Variants in TNR observed in about 807,000 individuals in gnomAD.
The protein encoded by TNR is tenascin-R.
Under a neutral mutation model 150.4 loss-of-function variants are expected in TNR, and 45 were observed. The observed-to-expected ratio is 0.30, with a 90% confidence interval of 0.24 to 0.38. The LOEUF is 0.38. Ranked by LOEUF, TNR falls within the 10% of genes least tolerant of loss-of-function variation. The pLI, the probability that TNR is intolerant of heterozygous loss-of-function variation, is 1.00. For synonymous variants in TNR, 687 were observed against 678.4 expected, an observed-to-expected ratio of 1.01 and a Z score of -0.20; for missense variants, 1,544 against 1,759.1, an observed-to-expected ratio of 0.88 and a Z score of 2.19.
chr1:175,595,612 T>C (rs1272576250), intron 1 of TNR, among the ~76,000 whole-genome samples: 1 of 152,234 alleles, frequency 6.6e-6, no homozygotes, highest in Non-Finnish European at 1.5e-5. Flanking sequence ...TGGCTTTCAA[T>C]GGTCTGTCCC....
intron 1 of TNR, among the ~76,000 whole-genome samples, chr1:175,690,312 TCAA>T (rs373619780): frequency 1.0e-3 from 155 of 152,300 alleles, no homozygotes; most frequent in African/African-American, 3.5e-3. Context: ...CATAAGAGAA[TCAA>T]CAAATGTTTA....
intron 2 of TNR, among the ~76,000 whole-genome samples, chr1:175,429,947 C>T (rs777185493): frequency 8.5e-5 from 13 of 152,096 alleles, no homozygotes; most frequent in Non-Finnish European, 1.0e-4. Flanking sequence ...ACAGCACACT[C>T]GCCTGCCAAC....
intron 1 of TNR, among the ~76,000 whole-genome samples, chr1:175,642,341 C>CTGTAGGAA (rs1664690674): frequency 1.3e-5 from 2 of 152,310 alleles, no homozygotes; most frequent in East Asian, 3.9e-4. Flanking sequence ...AAGCATGAAA[C>CTGTAGGAA]TGTAGGAAAC....
intron 2 of TNR, among the ~76,000 whole-genome samples, chr1:175,486,104 A>T (rs6672811): frequency 0.35 from 52,717 of 151,300 alleles, 9,430 homozygotes; most frequent in Non-Finnish European, 0.38. Context: ...CCACCTCAGA[A>T]CATCAAGCAT....
intron 2 of TNR, among the ~76,000 whole-genome samples, chr1:175,482,501 G>T (rs574611104): frequency 2.0e-5 from 3 of 152,084 alleles, no homozygotes; most frequent in African/African-American, 7.2e-5. Flanking sequence ...AAAATGAATC[G>T]CAGGAACCAT....
intron 1 of TNR, among the ~76,000 whole-genome samples, chr1:175,697,460 T>C (rs1666565058): frequency 6.6e-6 from 1 of 152,016 alleles, no homozygotes; most frequent in Admixed American, 6.6e-5. Context: ...CAGAAATACA[T>C]CATCACTTGT....
intron 1 of TNR, among the ~76,000 whole-genome samples, chr1:175,717,800 T>A (rs1474909244): frequency 6.6e-6 from 1 of 152,208 alleles, no homozygotes; most frequent in African/African-American, 2.4e-5. Context: ...AGCACAGATG[T>A]CACAGTTTCT....
intron 2 of TNR, among the ~76,000 whole-genome samples, chr1:175,497,302 C>T (rs889717970): frequency 6.6e-6 from 1 of 152,156 alleles, no homozygotes; most frequent in Non-Finnish European, 1.5e-5. Context: ...CTCCGCTTGC[C>T]CCATCTCCCT....
At chr1:175,471,973 T>C (rs1472582891) in intron 2 of TNR, among the ~76,000 whole-genome samples, 1 of 152,084 alleles carries the variant, frequency 6.6e-6, no homozygotes, top group East Asian at 1.9e-4. Context: ...CTTTTTTTGT[T>C]AAAAACCAAA....
chr1:175,453,931 A>T (rs145016130), intron 2 of TNR, among the ~76,000 whole-genome samples: 1 of 152,222 alleles, frequency 6.6e-6, no homozygotes, highest in Non-Finnish European at 1.5e-5. Flanking sequence ...TTTCACCTTT[A>T]TGAAAAGGTC....
At chr1:175,629,055 C>T (rs904489789) in intron 1 of TNR, among the ~76,000 whole-genome samples, 15 of 152,192 alleles carry the variant, frequency 9.9e-5, no homozygotes, top group African/African-American at 3.6e-4. Flanking sequence ...CACCTGAGAG[C>T]TCCCATGTGG....
intron 2 of TNR, among the ~76,000 whole-genome samples, chr1:175,418,008 C>T (rs965936303): frequency 3.9e-5 from 6 of 152,076 alleles, no homozygotes; most frequent in African/African-American, 1.4e-4. Flanking sequence ...ACCGCCCTGA[C>T]CCAAAGACTA....
intron 2 of TNR, among the ~76,000 whole-genome samples, chr1:175,497,748 A>G (rs1658548105): frequency 6.6e-6 from 1 of 152,100 alleles, no homozygotes; most frequent in Non-Finnish European, 1.5e-5. Flanking sequence ...GTTAGGTAAT[A>G]ATCACCAGTG....
At chr1:175,735,603 A>G (rs1248586993) in intron 1 of TNR, among the ~76,000 whole-genome samples, 2 of 152,350 alleles carry the variant, frequency 1.3e-5, no homozygotes, top group Middle Eastern at 3.4e-3. Flanking sequence ...AAAGTAATCT[A>G]TATAAACTCA....
intron 1 of TNR, among the ~76,000 whole-genome samples, chr1:175,630,222 T>C (rs1664283605): frequency 6.6e-6 from 1 of 152,058 alleles, no homozygotes; most frequent in Non-Finnish European, 1.5e-5. Flanking sequence ...ATCTGAAGAG[T>C]AGCAAGGTCC....
rs115636497 is a variant in TNR at position 175,391,605 on chromosome 1, C to G, written c.1357-167G>C. ...GCTGAGTATCTGGGGCCAGAAATAACTCCCCATAGACTCCATAAGAATGAC... is the reference window on the plus strand; with the variant it reads ...GCTGAGTATCTGGGGCCAGAAATAAGTCCCCATAGACTCCATAAGAATGAC... On this transcript the variant is annotated intron_variant, in intron 6 of 22. Transcript: ENST00000367674. 1.3e-3 allele frequency among the ~76,000 whole-genome samples: 192 copies of G among 152,322 alleles called. 2 individuals are homozygous for G. The highest frequency in any genetic ancestry group is 6.8e-3 in the Middle Eastern group (2 of 294).
At chr1:175,436,113 G>T (rs1216731826) in intron 2 of TNR, among the ~76,000 whole-genome samples, 1 of 152,064 alleles carries the variant, frequency 6.6e-6, no homozygotes, top group African/African-American at 2.4e-5. Context: ...ACAATTATGT[G>T]TCTTGGAGTT....
At chr1:175,367,714 T>C (rs1242712908) in intron 9 of TNR, among the ~76,000 whole-genome samples, 2 of 152,302 alleles carry the variant, frequency 1.3e-5, no homozygotes, top group Admixed American at 1.3e-4. Flanking sequence ...AAAGCATTCC[T>C]TGAATGTTAT....
At chr1:175,630,662 T>C (rs1664297861) in intron 1 of TNR, among the ~76,000 whole-genome samples, 1 of 152,228 alleles carries the variant, frequency 6.6e-6, no homozygotes, top group African/African-American at 2.4e-5. Context: ...TTCAGGTGTT[T>C]AGGAGAATCC....
Sources: allele counts gnomAD v4.1 joint callset (sites outside exome capture counted in the v4.1 genomes callset), GRCh38; gene constraint gnomAD v4.1.1; transcripts MANE v1.5; gene names NCBI Gene and HGNC (gene_info 2026-07-23, HGNC 2026-07-21).